Variants in CNOT2 observed in about 807,000 individuals in gnomAD.
The protein encoded by CNOT2 is CC chemokine receptor 4-negative regulator of transcription 2.
Under a neutral mutation model 72.1 loss-of-function variants are expected in CNOT2, and 7 were observed. The ratio of observed to expected loss-of-function variants is 0.10; its 90% CI spans 0.06 to 0.18. The LOEUF is 0.18. CNOT2 is among the 10% of genes least tolerant of loss of function. The pLI, the probability that CNOT2 is intolerant of heterozygous loss-of-function variation, is 1.00. For synonymous variants in CNOT2, 196 were observed against 225.6 expected, an observed-to-expected ratio of 0.87 and a Z score of 1.17; for missense variants, 345 against 660.3, an observed-to-expected ratio of 0.52 and a Z score of 5.23.
chr12:70,304,082 G>A (rs1874706957), intron 2 of CNOT2, among the ~76,000 whole-genome samples: 1 of 151,980 alleles, frequency 6.6e-6, no homozygotes, highest in South Asian at 2.1e-4. Flanking sequence ...CTCTGCATTG[G>A]TTATTCTAGT....
At position 70,273,764 on chromosome 12, in the gene CNOT2, G is replaced by A. The variant is rs868500692; in HGVS notation, c.-95-4368G>A. On this transcript the variant is annotated intron_variant, in intron 1 of 15. Coordinates refer to ENST00000229195, the MANE Select transcript of CNOT2 (RefSeq NM_014515.7). The stretch of plus-strand genomic sequence containing the variant: ...GAAAATTTCTGTCTCGAGATGGTGG[G>A]CCTTTTAGATAGACCTGACTCTCTA... Among the ~76,000 whole-genome samples the A allele has an allele frequency of 2.9e-4, 44 of 152,152 alleles. 1 individual carries two copies. The highest frequency in any genetic ancestry group is 3.4e-3 in the Middle Eastern group (1 of 294).
chr12:70,263,826 C>G (rs1344847739), intron 1 of CNOT2, among the ~76,000 whole-genome samples: 2 of 152,082 alleles, frequency 1.3e-5, no homozygotes, highest in South Asian at 4.1e-4. Context: ...TCTTTCTTCT[C>G]CTTTGTGCTT....
intron 15 of CNOT2, chr12:70,347,751 C>T (rs1013538983): frequency 2.0e-5 from 3 of 151,990 alleles, no homozygotes; most frequent in Admixed American, 1.3e-4. Context: ...ACTTCTCAGA[C>T]CAAGTCCACA....
intron 15 of CNOT2, chr12:70,347,727 T>C (rs1882373632): frequency 6.6e-6 from 1 of 152,194 alleles, no homozygotes; most frequent in Non-Finnish European, 1.5e-5. Context: ...TGTTTCTCAG[T>C]GGTAAATGTC....
chr12:70,271,773 AT>A (rs1021698302), intron 1 of CNOT2, among the ~76,000 whole-genome samples: 2 of 152,198 alleles, frequency 1.3e-5, no homozygotes, highest in Admixed American at 6.5e-5. Context: ...AGTGTTTGCT[AT>A]GGTGAGACAG....
intron 1 of CNOT2, among the ~76,000 whole-genome samples, chr12:70,274,083 A>G (rs780627856): frequency 6.6e-6 from 1 of 152,090 alleles, no homozygotes; most frequent in Admixed American, 6.5e-5. Flanking sequence ...TAATATGGCA[A>G]TTTTCCCAGA....
At chr12:70,293,037 TTAAA>T (rs1872185428) in intron 2 of CNOT2, among the ~76,000 whole-genome samples, 1 of 152,338 alleles carries the variant, frequency 6.6e-6, no homozygotes, top group East Asian at 1.9e-4. Context: ...AACAGATGTC[TTAAA>T]TAAGCTTCTA....
intron 4 of CNOT2, 124 bp downstream of exon 4, chr12:70,319,488 A>C: frequency 1.1e-6 from 1 of 888,702 alleles, no homozygotes; most frequent in Non-Finnish European, 1.7e-6. Flanking sequence ...AAAATGTTTA[A>C]TTTTCAGAGT....
chr12:70,253,965 G>C (rs567404210), intron 1 of CNOT2, among the ~76,000 whole-genome samples: 9 of 152,102 alleles, frequency 5.9e-5, no homozygotes, highest in Admixed American at 5.9e-4. Context: ...TAGGCCAGGC[G>C]CAGTGGCTCA....
At chr12:70,296,715 A>AT (rs1872855707) in intron 2 of CNOT2, among the ~76,000 whole-genome samples, 2 of 151,022 alleles carry the variant, frequency 1.3e-5, no homozygotes, top group South Asian at 2.1e-4. Context: ...AGAAGCTAGA[A>AT]TTTTTTTGTG....
intron 1 of CNOT2, among the ~76,000 whole-genome samples, chr12:70,263,482 C>G (rs779920618): frequency 6.6e-6 from 1 of 151,878 alleles, no homozygotes; most frequent in Non-Finnish European, 1.5e-5. Context: ...GCTTTTGAGC[C>G]CCTCTTATTT....
chr12:70,248,526 A>G (rs1957996223), intron 1 of CNOT2, among the ~76,000 whole-genome samples: 1 of 152,168 alleles, frequency 6.6e-6, no homozygotes, highest in Admixed American at 6.5e-5. Flanking sequence ...ATGTTACATC[A>G]TATATGATAC....
At chr12:70,290,437 A>T (rs928147055) in intron 2 of CNOT2, among the ~76,000 whole-genome samples, 2 of 152,028 alleles carry the variant, frequency 1.3e-5, no homozygotes, top group Admixed American at 6.5e-5. Flanking sequence ...GGCTCCACCA[A>T]TCTGGAATCC....
At chr12:70,294,269 A>G (rs913269128) in intron 2 of CNOT2, 3 of 1,289,390 alleles carry the variant, frequency 2.3e-6, no homozygotes, top group Non-Finnish European at 3.0e-6. Flanking sequence ...TCCCCAGAGT[A>G]GCAAATGTTG....
At chr12:70,297,858 C>G in intron 2 of CNOT2, 1 of 241,476 alleles carries the variant, frequency 4.1e-6, no homozygotes, top group South Asian at 3.6e-5. Flanking sequence ...CTGCCTCGGC[C>G]TCCAAGTAGC....
chr12:70,243,035 C>T (rs1209788883), upstream of CNOT2: 1 of 152,640 alleles, frequency 6.6e-6, no homozygotes, highest in Non-Finnish European at 1.5e-5. Flanking sequence ...CGCTCAGCGT[C>T]CCCGGGGAGG....
chr12:70,321,026 A>G (rs1011447181), intron 4 of CNOT2, among the ~76,000 whole-genome samples: 16 of 151,808 alleles, frequency 1.1e-4, no homozygotes, highest in Non-Finnish European at 1.9e-4. Flanking sequence ...GAGAAAATTT[A>G]TTTTCATTAG....
chr12:70,257,465 A>G (rs1212087528), intron 1 of CNOT2, among the ~76,000 whole-genome samples: 1 of 146,508 alleles, frequency 6.8e-6, no homozygotes, highest in African/African-American at 2.5e-5. Context: ...GGTTCACGCC[A>G]TTCTCCTGCC....
intron 2 of CNOT2, among the ~76,000 whole-genome samples, chr12:70,296,365 G>A (rs1872791211): frequency 6.6e-6 from 1 of 151,766 alleles, no homozygotes; most frequent in Admixed American, 6.6e-5. Context: ...ATAGATTTTT[G>A]TGTGTGTGTG....
Sources: gnomAD v4.1 joint callset for allele counts (sites outside exome capture counted in the v4.1 genomes callset) on GRCh38, gnomAD v4.1.1 for gene constraint, MANE v1.5 for transcripts, NCBI Gene and HGNC (gene_info 2026-07-23, HGNC 2026-07-21) for gene names.